Variants in SMYD2 observed in about 807,000 individuals in gnomAD.
SMYD2 encodes the protein N-lysine methyltransferase SMYD2.
SMYD2 carries 53 observed loss-of-function variants against 59.1 expected under a neutral mutation model. The ratio of observed to expected loss-of-function variants is 0.90; its 90% CI spans 0.72 to 1.13. The LOEUF is 1.13. SMYD2 is among the 50% of genes most tolerant of loss of function. The pLI, the probability that SMYD2 is intolerant of heterozygous loss-of-function variation, is 0.00. For synonymous variants in SMYD2, 208 were observed against 198.8 expected (o/e 1.05, Z -0.39); for missense variants, 494 against 544.7 (o/e 0.91, Z 0.93).
chr1:214,324,289 A>T lies in SMYD2; in HGVS notation c.535-352A>T, dbSNP rs151278247. ...GTGATTCAGTGATAGGCTTAAGATC[A>T]TACAACAAAGCTGTAGCAGAATTGA... On this transcript the variant is annotated intron_variant, in intron 5 of 11. Coordinates refer to ENST00000366957, the MANE Select transcript of SMYD2 (RefSeq NM_020197.3). Among the ~76,000 whole-genome samples the T allele has an allele frequency of 8.9e-4, 135 of 152,316 alleles. 2 individuals carry two copies. Among genetic ancestry groups the T allele is most frequent in the Non-Finnish European group, 7.1e-4 (48 of 68,034 alleles).
chr1:214,305,290 C>T, intron 2 of SMYD2, 40 bp downstream of exon 2: 8 of 1,563,290 alleles, frequency 5.1e-6, no homozygotes, highest in Non-Finnish European at 7.1e-6. Context: ...CTAATTTCCT[C>T]TGAAGTCCTC....
chr1:214,298,228 A>G (rs964996425), intron 1 of SMYD2, among the ~76,000 whole-genome samples: 6 of 152,224 alleles, frequency 3.9e-5, no homozygotes, highest in Admixed American at 3.9e-4. Flanking sequence ...AGAACGGAAT[A>G]GAGAACCCAG....
chr1:214,320,494 C>T (rs879760811), intron 5 of SMYD2, among the ~76,000 whole-genome samples: 6 of 152,090 alleles, frequency 3.9e-5, no homozygotes, highest in African/African-American at 7.2e-5. Context: ...GGCACCATGG[C>T]GTGTGTCTGT....
intron 5 of SMYD2, among the ~76,000 whole-genome samples, chr1:214,320,810 G>C (rs1657161201): frequency 6.6e-6 from 1 of 152,146 alleles, no homozygotes; most frequent in Non-Finnish European, 1.5e-5. Flanking sequence ...CAAGTTTTGA[G>C]TGTTAAGGTA....
intron 5 of SMYD2, among the ~76,000 whole-genome samples, chr1:214,320,196 G>A (rs1657148506): frequency 6.6e-6 from 1 of 152,180 alleles, no homozygotes; most frequent in African/African-American, 2.4e-5. Context: ...TATAAGTTAC[G>A]TTTCACGACT....
At chr1:214,319,237 T>C (rs1371354416) in intron 5 of SMYD2, among the ~76,000 whole-genome samples, 1 of 152,154 alleles carries the variant, frequency 6.6e-6, no homozygotes, top group Non-Finnish European at 1.5e-5. Flanking sequence ...CACAAAGAGT[T>C]CATGAAAACA....
At chr1:214,311,886 T>G (rs979306097) in intron 2 of SMYD2, among the ~76,000 whole-genome samples, 36 of 152,040 alleles carry the variant, frequency 2.4e-4, no homozygotes, top group African/African-American at 8.7e-4. Flanking sequence ...GGAGTCAGAG[T>G]GGGCATTTGT....
At chr1:214,327,598 T>C (rs753490062) in intron 6 of SMYD2, 24 bp from the exon 7 acceptor site, 2 of 1,602,774 alleles carry the variant, frequency 1.2e-6, no homozygotes, top group East Asian at 2.2e-5. Flanking sequence ...TTTTAAAAAC[T>C]GGGTTTTCTC....
At chr1:214,300,896 CT>C in intron 1 of SMYD2, among the ~76,000 whole-genome samples, 1 of 152,124 alleles carries the variant, frequency 6.6e-6, no homozygotes, top group East Asian at 1.9e-4. Context: ...TTCAGGGTCC[CT>C]CTGTACTCTT....
At position 214,305,085 on chromosome 1, in the gene SMYD2, G is replaced by C. The variant is rs1656895299; in HGVS notation, c.174-102G>C. ...GGGAGAGTAAGGTAAGGTGAACCTT[G>C]GCTCTGCTTTCCAACCAAGTGGCTT... is the stretch of plus-strand genomic sequence containing the variant. On this transcript the variant is annotated intron_variant, in intron 1 of 11. Transcript: ENST00000366957. 10 of 1,056,248 alleles carry C rather than the reference G, an allele frequency of 9.5e-6. No individual in the cohort carries two copies. In the African/African-American group the frequency reaches 1.2e-4, roughly 13 times the overall value. 65.4% of individuals were successfully genotyped at this position (1,056,248 alleles called of 1,614,324 possible). A position where few individuals can be genotyped will look rare whatever the true frequency, so the allele number is the denominator to read the frequency against.
intron 2 of SMYD2, 67 bp downstream of exon 2, chr1:214,305,317 C>A (rs909288061): frequency 1.6e-5 from 22 of 1,415,606 alleles, no homozygotes; most frequent in Non-Finnish European, 2.2e-5. Context: ...CTTGTCATGG[C>A]ATTCCTCAGC....
intron 1 of SMYD2, among the ~76,000 whole-genome samples, chr1:214,299,603 G>A (rs112849639): frequency 0.1 from 15,242 of 151,894 alleles, 992 homozygotes; most frequent in South Asian, 0.18. Context: ...AATACCTCAT[G>A]TTCTCACTTC....
chr1:214,329,227 G>T (rs530092135), intron 7 of SMYD2, among the ~76,000 whole-genome samples: 1 of 152,278 alleles, frequency 6.6e-6, no homozygotes, highest in South Asian at 2.1e-4. Context: ...CCAGGGTTTC[G>T]GGGTGAGCTG....
At chr1:214,293,504 A>C (rs1047347100) in intron 1 of SMYD2, among the ~76,000 whole-genome samples, 1 of 152,226 alleles carries the variant, frequency 6.6e-6, no homozygotes, top group Non-Finnish European at 1.5e-5. Flanking sequence ...TCAGAGATGA[A>C]TAAGACAACA....
At chr1:214,327,868 C>G in intron 7 of SMYD2, 144 bp downstream of exon 7, 1 of 629,142 alleles carries the variant, frequency 1.6e-6, no homozygotes, top group Non-Finnish European at 2.8e-6. Context: ...CTCAGGCTCT[C>G]CAGGAGTCAG....
At chr1:214,298,136 A>G (rs993556978) in intron 1 of SMYD2, among the ~76,000 whole-genome samples, 2 of 152,208 alleles carry the variant, frequency 1.3e-5, no homozygotes, top group Non-Finnish European at 2.9e-5. Flanking sequence ...GAGGCATCAC[A>G]TTACCCAACT....
At chr1:214,327,967 G>A (rs1307633388) in intron 7 of SMYD2, among the ~76,000 whole-genome samples, 1 of 152,146 alleles carries the variant, frequency 6.6e-6, no homozygotes, top group Non-Finnish European at 1.5e-5. Flanking sequence ...AAGAAAAACA[G>A]GAAGTAATAA....
chr1:214,307,630 C>T (rs1414197452), intron 2 of SMYD2, among the ~76,000 whole-genome samples: 1 of 152,164 alleles, frequency 6.6e-6, no homozygotes, highest in East Asian at 1.9e-4. Context: ...TCTGAGTCTT[C>T]TGAGCACGCT....
intron 2 of SMYD2, among the ~76,000 whole-genome samples, chr1:214,308,027 A>G (rs1289259326): frequency 2.6e-5 from 4 of 152,252 alleles, no homozygotes; most frequent in Non-Finnish European, 2.9e-5. Context: ...CTGCAGGCCA[A>G]GAGAGCCTGC....
Sources: gnomAD v4.1 joint callset for allele counts (sites outside exome capture counted in the v4.1 genomes callset) on GRCh38, gnomAD v4.1.1 for gene constraint, MANE v1.5 for transcripts, NCBI Gene and HGNC (gene_info 2026-07-23, HGNC 2026-07-21) for gene names.